The following NPFFR2 variants were observed in gnomAD, a reference collection of about 807,000 sequenced individuals.
NPFFR2 encodes the protein G-protein coupled receptor 74.
In NPFFR2, 15 loss-of-function variants were observed where a neutral mutation model predicts 13.1. The observed-to-expected ratio is 1.15, with a 90% CI of 0.77 to 1.76. The LOEUF (loss-of-function observed/expected upper bound fraction) is 1.76, where lower values mean the gene tolerates loss of function less well. NPFFR2 is among the 40% of genes most tolerant of loss of function. NPFFR2 has a pLI of 0.00. For synonymous variants in NPFFR2, 190 were observed against 175.7 expected (o/e 1.08, Z -0.65); for missense variants, 572 against 503.5 (o/e 1.14, Z -1.30).
intron 1 of NPFFR2, among the ~76,000 whole-genome samples, chr4:72,036,281 C>T (rs1314266612): frequency 1.3e-5 from 2 of 151,976 alleles, no homozygotes; most frequent in African/African-American, 2.4e-5. Flanking sequence ...TTCTACACTG[C>T]AGGACTCCCA....
At chr4:72,050,848 G>A (rs1200374829) in intron 1 of NPFFR2, among the ~76,000 whole-genome samples, 1 of 150,442 alleles carries the variant, frequency 6.6e-6, no homozygotes, top group African/African-American at 2.5e-5. Flanking sequence ...CCACCTATGA[G>A]TGAGAATATG....
intron 1 of NPFFR2, among the ~76,000 whole-genome samples, chr4:72,064,505 C>T (rs904706012): frequency 7.2e-5 from 11 of 152,142 alleles, no homozygotes; most frequent in South Asian, 2.1e-4. Context: ...TAATCTCAGA[C>T]GTGACTTCTG....
chr4:72,061,579 A>T (rs1719920823), intron 1 of NPFFR2, among the ~76,000 whole-genome samples: 1 of 152,164 alleles, frequency 6.6e-6, no homozygotes, highest in Non-Finnish European at 1.5e-5. Flanking sequence ...AAAGATTTTT[A>T]AGAGTTAGTT....
intron 2 of NPFFR2, among the ~76,000 whole-genome samples, chr4:72,131,458 A>AG (rs954882567): frequency 1.3e-5 from 1 of 77,314 alleles, no homozygotes; most frequent in Admixed American, 2.1e-4. Flanking sequence ...GGGTGGGGGG[A>AG]GGGGGGAGGG....
chr4:72,120,016 C>CT (rs1222862392), intron 1 of NPFFR2, among the ~76,000 whole-genome samples: 1 of 152,170 alleles, frequency 6.6e-6, no homozygotes, highest in African/African-American at 2.4e-5. Flanking sequence ...GCCCAGCAAG[C>CT]TAAGATCCAC....
intron 1 of NPFFR2, among the ~76,000 whole-genome samples, chr4:72,060,049 A>G (rs1263695207): frequency 6.6e-6 from 1 of 152,110 alleles, no homozygotes; most frequent in Non-Finnish European, 1.5e-5. Flanking sequence ...CCAGCTTCCC[A>G]TTTATTAAAG....
intron 1 of NPFFR2, among the ~76,000 whole-genome samples, chr4:72,107,226 CA>C (rs1382525091): frequency 1.5e-4 from 23 of 151,682 alleles, no homozygotes; most frequent in African/African-American, 5.6e-4. Context: ...CTCCTGCTCA[CA>C]ACTTGGGGTT....
chr4:72,032,519 T>A (rs759335511), intron 1 of NPFFR2, among the ~76,000 whole-genome samples: 17 of 152,208 alleles, frequency 1.1e-4, no homozygotes, highest in African/African-American at 4.1e-4. Context: ...GTTGTAACTT[T>A]GTTGAATTTC....
At chr4:72,118,383 A>C (rs1337353811) in intron 1 of NPFFR2, among the ~76,000 whole-genome samples, 1 of 152,206 alleles carries the variant, frequency 6.6e-6, no homozygotes, top group Non-Finnish European at 1.5e-5. Context: ...CCTAACAACA[A>C]CACTATGAAG....
At chr4:72,120,948 C>A (rs976450138) in intron 1 of NPFFR2, among the ~76,000 whole-genome samples, 1 of 151,894 alleles carries the variant, frequency 6.6e-6, no homozygotes, top group African/African-American at 2.4e-5. Flanking sequence ...ATAACAAACT[C>A]TTCCAAGCTA....
chr4:72,090,955 G>A (rs1720900722), intron 1 of NPFFR2, among the ~76,000 whole-genome samples: 6 of 152,106 alleles, frequency 3.9e-5, no homozygotes, highest in Admixed American at 2.6e-4. Flanking sequence ...TTGGCTGTGG[G>A]TTTGTCATAG....
At chr4:72,086,719 G>A (rs1268158883) in intron 1 of NPFFR2, among the ~76,000 whole-genome samples, 1 of 152,026 alleles carries the variant, frequency 6.6e-6, no homozygotes, top group Non-Finnish European at 1.5e-5. Flanking sequence ...CATATTGTAT[G>A]CTATCCTTCA....
intron 1 of NPFFR2, among the ~76,000 whole-genome samples, chr4:72,123,069 G>T (rs780549958): frequency 6.6e-6 from 1 of 151,978 alleles, no homozygotes; most frequent in Non-Finnish European, 1.5e-5. Context: ...TTATAAAGGG[G>T]ATATCATCAC....
At chr4:72,123,580 T>C (rs1721953472) in intron 1 of NPFFR2, among the ~76,000 whole-genome samples, 1 of 152,198 alleles carries the variant, frequency 6.6e-6, no homozygotes, top group Admixed American at 6.5e-5. Flanking sequence ...CAAGTTGACT[T>C]CATCCTTGGG....
At chr4:72,100,852 C>T (rs866669872) in intron 1 of NPFFR2, among the ~76,000 whole-genome samples, 2 of 151,792 alleles carry the variant, frequency 1.3e-5, no homozygotes, top group South Asian at 2.1e-4. Context: ...GTTAGAAAAA[C>T]GAATAAATGG....
chr4:72,122,592 A>G (rs942521169), intron 1 of NPFFR2, among the ~76,000 whole-genome samples: 2 of 152,232 alleles, frequency 1.3e-5, no homozygotes, highest in African/African-American at 4.8e-5. Context: ...CTCAGGATTA[A>G]GAAACTCACT....
At chr4:72,069,225 T>C (rs1472393552) in intron 1 of NPFFR2, among the ~76,000 whole-genome samples, 1 of 152,090 alleles carries the variant, frequency 6.6e-6, no homozygotes, top group Non-Finnish European at 1.5e-5. Context: ...ATCTGGAAAT[T>C]AGCTGTGTGT....
At chr4:72,085,335 G>A (rs1263970199) in intron 1 of NPFFR2, among the ~76,000 whole-genome samples, 2 of 152,124 alleles carry the variant, frequency 1.3e-5, no homozygotes, top group Non-Finnish European at 2.9e-5. Flanking sequence ...AGCTGTGAAG[G>A]ACAAGGGAAG....
At chr4:72,124,250 A>G (rs1721971820) in intron 1 of NPFFR2, among the ~76,000 whole-genome samples, 1 of 152,150 alleles carries the variant, frequency 6.6e-6, no homozygotes, top group Non-Finnish European at 1.5e-5. Context: ...CCACTGCTCA[A>G]GGAACTAAGA....
Sources: allele counts gnomAD v4.1 joint callset (sites outside exome capture counted in the v4.1 genomes callset), GRCh38; gene constraint gnomAD v4.1.1; transcripts MANE v1.5; gene names NCBI Gene and HGNC (gene_info 2026-07-23, HGNC 2026-07-21).